Variants in SNX29 observed in about 807,000 individuals in gnomAD.
The protein encoded by SNX29 is sorting nexin-29.
SNX29 carries 78 observed loss-of-function variants against 102.1 expected under a neutral mutation model. That is an observed-to-expected ratio of 0.76 (90% CI 0.64 to 0.92). The LOEUF is 0.92. Among genes scored for constraint, SNX29 ranks in the 40% least tolerant of loss-of-function variants. SNX29 has a pLI of 0.00. For missense variants in SNX29, 1,280 were observed against 1,061.7 expected (o/e 1.21, Z -2.86); for synonymous variants, 580 against 414.5 (o/e 1.40, Z -4.85).
At chr16:12,557,026 G>T (rs28625578) in intron 20 of SNX29, among the ~76,000 whole-genome samples, 2 of 11,594 alleles carry the variant, frequency 1.7e-4, no homozygotes, top group Non-Finnish European at 6.8e-4. Flanking sequence ...CCCCCCCCCC[G>T]CCCCAAGATG....
chr16:12,128,209 C>T (rs924436029), intron 12 of SNX29, among the ~76,000 whole-genome samples: 2 of 152,226 alleles, frequency 1.3e-5, no homozygotes, highest in Non-Finnish European at 2.9e-5. Context: ...TTTGTCCATG[C>T]TCCAGCTGGG....
chr16:12,533,139 C>T (rs190183312), intron 20 of SNX29, among the ~76,000 whole-genome samples: 282 of 152,348 alleles, frequency 1.9e-3, no homozygotes, highest in African/African-American at 6.1e-3. Context: ...GAAACACGGC[C>T]GCCTTTGCCA....
chr16:12,159,984 C>G (rs923881761), intron 13 of SNX29, among the ~76,000 whole-genome samples: 2 of 152,228 alleles, frequency 1.3e-5, no homozygotes, highest in Non-Finnish European at 2.9e-5. Flanking sequence ...ATCTATTCTT[C>G]ACCTCTCTTG....
At chr16:12,219,157 T>A (rs1454170690) in intron 14 of SNX29, among the ~76,000 whole-genome samples, 1 of 152,186 alleles carries the variant, frequency 6.6e-6, no homozygotes, top group Admixed American at 6.5e-5. Flanking sequence ...GGAAGGAGGT[T>A]CAGAAGTGCT....
At chr16:12,544,844 A>C (rs2077514349) in intron 20 of SNX29, among the ~76,000 whole-genome samples, 1 of 152,216 alleles carries the variant, frequency 6.6e-6, no homozygotes, top group Non-Finnish European at 1.5e-5. Flanking sequence ...CCTTGGGGAA[A>C]TGCCCACATG....
At chr16:12,123,473 A>G (rs934135897) in intron 11 of SNX29, among the ~76,000 whole-genome samples, 2 of 152,182 alleles carry the variant, frequency 1.3e-5, no homozygotes, top group Non-Finnish European at 2.9e-5. Flanking sequence ...ATACATATAC[A>G]TATACATCAT....
intron 13 of SNX29, among the ~76,000 whole-genome samples, chr16:12,137,952 C>A (rs995434049): frequency 6.6e-6 from 1 of 152,170 alleles, no homozygotes; most frequent in Non-Finnish European, 1.5e-5. Context: ...CATCCTGCTG[C>A]CAACTCTGGT....
chr16:12,108,957 G>A (rs1191948002), intron 11 of SNX29, among the ~76,000 whole-genome samples: 1 of 151,626 alleles, frequency 6.6e-6, no homozygotes, highest in African/African-American at 2.4e-5. Context: ...GTAAAATCCC[G>A]TCTCTACTAA....
At chr16:12,352,370 G>A (rs1024607244) in intron 15 of SNX29, among the ~76,000 whole-genome samples, 1 of 151,986 alleles carries the variant, frequency 6.6e-6, no homozygotes, top group Non-Finnish European at 1.5e-5. Flanking sequence ...CTGTTGTGCG[G>A]TGGGGGAAGG....
chr16:12,006,337 G>T (rs2056451769), intron 3 of SNX29, among the ~76,000 whole-genome samples: 1 of 151,680 alleles, frequency 6.6e-6, no homozygotes, highest in African/African-American at 2.4e-5. Flanking sequence ...CCAACGTGGA[G>T]AAACCCCGTC....
At chr16:12,369,681 C>G (rs886236331) in intron 16 of SNX29, among the ~76,000 whole-genome samples, 1 of 152,184 alleles carries the variant, frequency 6.6e-6, no homozygotes, top group African/African-American at 2.4e-5. Context: ...CCTCTAGATA[C>G]TAAGTTAATT....
intron 9 of SNX29, among the ~76,000 whole-genome samples, chr16:12,067,320 C>G (rs972804179): frequency 6.6e-6 from 1 of 151,836 alleles, no homozygotes; most frequent in African/African-American, 2.4e-5. Context: ...AAGTTCAGCC[C>G]CTACAGAGCT....
At chr16:12,040,011 G>C (rs977665708) in intron 4 of SNX29, among the ~76,000 whole-genome samples, 2 of 152,216 alleles carry the variant, frequency 1.3e-5, no homozygotes, top group South Asian at 2.1e-4. Flanking sequence ...TGTTAAAGAG[G>C]CAATGTTAAG....
chr16:12,290,871 A>G (rs1196906634), intron 15 of SNX29, among the ~76,000 whole-genome samples: 1 of 152,162 alleles, frequency 6.6e-6, no homozygotes, highest in Non-Finnish European at 1.5e-5. Flanking sequence ...TCCATGATGC[A>G]TAGCTAGAAA....
rs528326602 is a variant in SNX29, at chr16:12,276,341, C to T, written c.1679-1592C>T. ...ATTGGGTCACTCCCTGCATTCGTGG[C>T]CCAGGACTCAGGGCTTCTTTCTGCG... On this transcript the variant is annotated intron_variant, in intron 14 of 20. Transcript: ENST00000566228. Among the ~76,000 whole-genome samples, 3 of 152,272 alleles carry T rather than the reference C, an allele frequency of 2.0e-5. No individual in the cohort carries two copies. The South Asian group carries it at 6.2e-4, about 32-fold the overall frequency.
intron 20 of SNX29, among the ~76,000 whole-genome samples, chr16:12,562,835 C>T (rs554902594): frequency 6.6e-6 from 1 of 152,116 alleles, no homozygotes; most frequent in African/African-American, 2.4e-5. Context: ...CCTAGCATTC[C>T]CCTATAGGCA....
At chr16:12,386,026 C>T (rs1229106577) in intron 16 of SNX29, among the ~76,000 whole-genome samples, 1 of 152,200 alleles carries the variant, frequency 6.6e-6, no homozygotes, top group Non-Finnish European at 1.5e-5. Flanking sequence ...GCAGGGGCGG[C>T]CTCAGCTGGC....
chr16:12,349,228 G>C (rs146441302), intron 15 of SNX29, among the ~76,000 whole-genome samples: 1 of 152,344 alleles, frequency 6.6e-6, no homozygotes, highest in East Asian at 1.9e-4. Flanking sequence ...CATGTGACCA[G>C]AACAGCATGG....
chr16:12,572,822 C>T lies in SNX29; in HGVS notation c.*4193C>T, dbSNP rs1053257483. On this transcript the variant is annotated 3_prime_UTR_variant, in exon 21 of 21. Coordinates refer to ENST00000566228, the MANE Select transcript of SNX29 (RefSeq NM_032167.5). ...GTACATCAGACTGGTTAGGAGGCATCCCAGAAGGGGCAGCCTCATGCCCAG... is the reference window on the plus strand; with the variant it reads ...GTACATCAGACTGGTTAGGAGGCATTCCAGAAGGGGCAGCCTCATGCCCAG... 9.4e-7 allele frequency: 1 copy of T among 1,064,026 alleles called. No individual in the cohort carries two copies. Among genetic ancestry groups the T allele is most frequent in the East Asian group, 5.0e-5 (1 of 19,940 alleles). The allele number at this position is 1,064,026 out of a possible 1,614,324, so 65.9% of individuals were successfully genotyped here.
Sources: allele counts gnomAD v4.1 joint callset (sites outside exome capture counted in the v4.1 genomes callset), GRCh38; gene constraint gnomAD v4.1.1; transcripts MANE v1.5; gene names NCBI Gene and HGNC (gene_info 2026-07-23, HGNC 2026-07-21).